XXYLT1: variants seen among roughly 807,000 people sequenced by gnomAD.
XXYLT1 encodes xyloside xylosyltransferase 1.
Under a neutral mutation model 28.9 loss-of-function variants are expected in XXYLT1, and 20 were observed. The ratio of observed to expected loss-of-function variants is 0.69; its 90% CI spans 0.49 to 1.00. The LOEUF (loss-of-function observed/expected upper bound fraction) is 1.00. Ranked by LOEUF, XXYLT1 falls within the 50% of genes least tolerant of loss-of-function variation. The pLI is 0.00. For missense variants in XXYLT1, 542 were observed against 560.1 expected (o/e 0.97, Z 0.33); for synonymous variants, 257 against 253.8 (o/e 1.01, Z -0.12).
At chr3:195,229,592 G>A (rs1222740497) in intron 1 of XXYLT1, among the ~76,000 whole-genome samples, 5 of 152,022 alleles carry the variant, frequency 3.3e-5, no homozygotes, top group African/African-American at 9.7e-5. Context: ...CCATCTCCAC[G>A]AGTTTAACTG....
intron 1 of XXYLT1, among the ~76,000 whole-genome samples, chr3:195,260,822 T>C (rs1344215885): frequency 6.6e-6 from 1 of 152,156 alleles, no homozygotes; most frequent in Non-Finnish European, 1.5e-5. Flanking sequence ...CCTGTTCCGA[T>C]GTTTGGCGAA....
At position 195,110,636 on chromosome 3, in the gene XXYLT1, T is replaced by C. The variant is rs1474475918; in HGVS notation, c.786-40525A>G. ...ATGTGTGTGGTGTGTGTGTGGTGTG[T>C]GATGTATAAGTGTGTGTGGTGTGTT... On this transcript the variant is annotated intron_variant, in intron 3 of 3. Coordinates refer to ENST00000310380, the MANE Select transcript of XXYLT1 (RefSeq NM_152531.5). Among the ~76,000 whole-genome samples the C allele has an allele frequency of 2.8e-4, 4 of 14,532 alleles. 2 individuals carry two copies. The highest frequency in any genetic ancestry group is 9.3e-4 in the African/African-American group (4 of 4,284). The allele number at this position is 14,532 out of a possible 152,430, so 9.5% of individuals were successfully genotyped here. A position where few individuals can be genotyped will look rare whatever the true frequency, so the allele number is the denominator to read the frequency against.
chr3:195,205,049 T>C (rs1723011589), intron 2 of XXYLT1, among the ~76,000 whole-genome samples: 1 of 152,250 alleles, frequency 6.6e-6, no homozygotes, highest in Non-Finnish European at 1.5e-5. Flanking sequence ...CACTCAAACA[T>C]TGCTGTTGGG....
At chr3:195,235,817 G>A (rs1422216454) in intron 1 of XXYLT1, among the ~76,000 whole-genome samples, 1 of 151,774 alleles carries the variant, frequency 6.6e-6, no homozygotes, top group Non-Finnish European at 1.5e-5. Flanking sequence ...ATCACATCTG[G>A]AAGAATTCTC....
At chr3:195,187,228 A>C (rs1336469152) in intron 2 of XXYLT1, among the ~76,000 whole-genome samples, 2 of 139,112 alleles carry the variant, frequency 1.4e-5, no homozygotes, top group South Asian at 2.3e-4. Flanking sequence ...GCAGAGCAAG[A>C]CTCCATCTCA....
At chr3:195,203,482 C>G (rs1237560834) in intron 2 of XXYLT1, among the ~76,000 whole-genome samples, 2 of 152,198 alleles carry the variant, frequency 1.3e-5, no homozygotes, top group East Asian at 3.8e-4. Flanking sequence ...ATGCCACCCC[C>G]AGGCTTGGGA....
intron 1 of XXYLT1, among the ~76,000 whole-genome samples, chr3:195,261,446 G>A (rs1407703509): frequency 6.6e-6 from 1 of 151,474 alleles, no homozygotes; most frequent in African/African-American, 2.4e-5. Flanking sequence ...ATCTTAAAAA[G>A]AAAAGAAAAA....
intron 3 of XXYLT1, among the ~76,000 whole-genome samples, chr3:195,096,350 C>T (rs912662358): frequency 3.3e-5 from 5 of 152,254 alleles, no homozygotes; most frequent in East Asian, 3.9e-4. Flanking sequence ...CCTCCAGGTG[C>T]GGAGAAACAA....
chr3:195,223,629 A>T (rs1028648104), intron 2 of XXYLT1, among the ~76,000 whole-genome samples: 1 of 152,208 alleles, frequency 6.6e-6, no homozygotes. Flanking sequence ...TGACAAACTC[A>T]AGACAGCACG....
chr3:195,230,980 G>A (rs2108808247), intron 1 of XXYLT1, among the ~76,000 whole-genome samples: 1 of 152,136 alleles, frequency 6.6e-6, no homozygotes. Flanking sequence ...AGTATGGAAA[G>A]TTTAACAATA....
chr3:195,134,254 G>A (rs1055332535), intron 3 of XXYLT1, among the ~76,000 whole-genome samples: 8 of 152,226 alleles, frequency 5.3e-5, no homozygotes, highest in South Asian at 2.1e-4. Context: ...TAGCCTACAG[G>A]TGCCTGAATA....
chr3:195,225,277 T>C (rs752311592), intron 2 of XXYLT1, among the ~76,000 whole-genome samples: 2 of 152,334 alleles, frequency 1.3e-5, no homozygotes, highest in South Asian at 2.1e-4. Flanking sequence ...TGGAGCCCCC[T>C]GAGCCCTTGC....
rs1011495408 is a variant in XXYLT1 at position 195,150,203 on chromosome 3, A to G, written c.785+6246T>C. 2.0e-5 allele frequency among the ~76,000 whole-genome samples: 3 copies of G among 152,134 alleles called. No individual in the cohort carries two copies. Among genetic ancestry groups the G allele is most frequent in the African/African-American group, 7.2e-5 (3 of 41,412 alleles). ...GCACCATAAATACATTATCTGATTC[A>G]ATCTCCCTCAACTCTGCCACATATA... On this transcript the variant is annotated intron_variant, in intron 3 of 3. Transcript: ENST00000310380. This position sits in a 1 kb window ranked among gnomAD's most constrained non-coding sequence, Gnocchi z 4.7.
intron 3 of XXYLT1, among the ~76,000 whole-genome samples, chr3:195,089,495 C>T (rs1296865620): frequency 6.6e-6 from 1 of 151,874 alleles, no homozygotes; most frequent in African/African-American, 2.4e-5. Flanking sequence ...TTGTCACCAC[C>T]AGGCCTGCCC....
chr3:195,261,805 A>G (rs1385920966), intron 1 of XXYLT1, among the ~76,000 whole-genome samples: 7 of 152,248 alleles, frequency 4.6e-5, no homozygotes, highest in Non-Finnish European at 8.8e-5. Context: ...GCAGACCAAA[A>G]CTAAAATGAG....
At chr3:195,208,346 C>T (rs1008146578) in intron 2 of XXYLT1, among the ~76,000 whole-genome samples, 1 of 152,190 alleles carries the variant, frequency 6.6e-6, no homozygotes, top group African/African-American at 2.4e-5. Flanking sequence ...CATCCAGTCT[C>T]GGTGTCAGCT....
At chr3:195,198,435 C>T (rs1445773527) in intron 2 of XXYLT1, among the ~76,000 whole-genome samples, 1 of 152,086 alleles carries the variant, frequency 6.6e-6, no homozygotes, top group Non-Finnish European at 1.5e-5. Flanking sequence ...CTAGGCCATG[C>T]TATATCCACA....
At position 195,256,023 on chromosome 3, in the gene XXYLT1, G is replaced by C. The variant is rs1577203723; in HGVS notation, c.504+14532C>G. Among the ~76,000 whole-genome samples the C allele has an allele frequency of 6.6e-6, 1 of 152,178 alleles. No individual in the cohort carries two copies. Among genetic ancestry groups the C allele is most frequent in the East Asian group, 1.9e-4 (1 of 5,192 alleles). Reference sequence around the variant, plus strand: ...TTCTGTGCCACCCAGCTGACCAGGGGAAGAGGCCACCCAGCCAGCAGCAGG... The same window carrying C: ...TTCTGTGCCACCCAGCTGACCAGGGCAAGAGGCCACCCAGCCAGCAGCAGG... On this transcript the variant is annotated intron_variant, in intron 1 of 3. Transcript: ENST00000310380. The surrounding 1 kb of genome is among the most constrained non-coding windows in gnomAD (Gnocchi z 4.2).
chr3:195,225,102 G>A (rs539008623), intron 2 of XXYLT1, among the ~76,000 whole-genome samples: 16 of 152,312 alleles, frequency 1.1e-4, no homozygotes, highest in African/African-American at 3.4e-4. Flanking sequence ...CCCTGGGCAG[G>A]TCTTGCAACT....
Sources: allele counts gnomAD v4.1 joint callset (sites outside exome capture counted in the v4.1 genomes callset), GRCh38; gene constraint gnomAD v4.1.1; non-coding constraint Gnocchi (gnomAD v3.1); transcripts MANE v1.5; gene names NCBI Gene and HGNC (gene_info 2026-07-23, HGNC 2026-07-21).